Variants in RGS7 observed in about 807,000 individuals in gnomAD.
The protein encoded by RGS7 is regulator of G protein signaling 7.
Under a neutral mutation model 81.1 loss-of-function variants are expected in RGS7, and 27 were observed. The ratio of observed to expected loss-of-function variants is 0.33; its 90% CI spans 0.25 to 0.46. The LOEUF is 0.46. Among genes scored for constraint, RGS7 ranks in the 20% least tolerant of loss-of-function variants. RGS7 has a pLI of 1.00. For missense variants in RGS7, 396 were observed against 607.4 expected (o/e 0.65, Z 3.66); for synonymous variants, 208 against 207.7 (o/e 1.00, Z -0.01).
intron 2 of RGS7, among the ~76,000 whole-genome samples, chr1:241,122,669 G>GAAAAAAAAAAA (rs200013731): frequency 1.3e-5 from 1 of 79,542 alleles, no homozygotes. Flanking sequence ...ATCACAAAAA[G>GAAAAAAAAAAA]AAAAAAAAAA....
chr1:241,146,946 A>C (rs759060923), intron 2 of RGS7, among the ~76,000 whole-genome samples: 52 of 152,152 alleles, frequency 3.4e-4, no homozygotes, highest in Non-Finnish European at 5.9e-4. Context: ...CCAGCCTCCT[A>C]ATACCATCGT....
intron 4 of RGS7, among the ~76,000 whole-genome samples, chr1:240,972,722 ACC>A (rs145021465): frequency 0.42 from 58,810 of 139,380 alleles, 12,462 homozygotes; most frequent in East Asian, 0.69. Flanking sequence ...AAAAAAAAAA[ACC>A]CAAAAAGGTG....
intron 3 of RGS7, among the ~76,000 whole-genome samples, chr1:241,016,712 CAG>C (rs774290500): frequency 1.1e-4 from 17 of 152,264 alleles, no homozygotes; most frequent in Admixed American, 2.6e-4. Flanking sequence ...TAGCATTTAT[CAG>C]AGTCTAAATT....
At chr1:241,325,799 G>C (rs747928416) in intron 2 of RGS7, among the ~76,000 whole-genome samples, 43 of 152,112 alleles carry the variant, frequency 2.8e-4, no homozygotes, top group South Asian at 2.1e-4. Flanking sequence ...CACATACAGA[G>C]GGGAAGGGAG....
chr1:241,162,436 C>T (rs140852266), intron 2 of RGS7, among the ~76,000 whole-genome samples: 1,714 of 152,282 alleles, frequency 0.011, 26 homozygotes, highest in African/African-American at 0.039. Context: ...GCGGACAGCC[C>T]GCTCCGAAGG....
chr1:241,104,159 T>A (rs1404257607), intron 2 of RGS7, among the ~76,000 whole-genome samples: 1 of 152,188 alleles, frequency 6.6e-6, no homozygotes, highest in African/African-American at 2.4e-5. Context: ...AATTAAATGC[T>A]TACTATGATG....
intron 4 of RGS7, among the ~76,000 whole-genome samples, chr1:240,945,578 TATTCCTTA>T (rs1678467349): frequency 6.6e-6 from 1 of 152,248 alleles, no homozygotes; most frequent in African/African-American, 2.4e-5. Flanking sequence ...TAAAAATCAC[TATTCCTTA>T]ATATTTGAAC....
At chr1:240,935,620 T>C (rs554644417) in intron 5 of RGS7, among the ~76,000 whole-genome samples, 1 of 152,338 alleles carries the variant, frequency 6.6e-6, no homozygotes, top group African/African-American at 2.4e-5. Flanking sequence ...GACTGTTCTA[T>C]GAGGACAATA....
rs148399262 is a variant in RGS7, at chr1:241,239,652, C to T, written c.78+116047G>A. On this transcript the variant is annotated intron_variant, in intron 2 of 18. Coordinates refer to ENST00000440928, the MANE Select transcript of RGS7 (RefSeq NM_001364886.1). The stretch of plus-strand genomic sequence containing the variant: ...CCACTCCTTACCAGGGATGAACTGC[C>T]TCCCATTCTCAGTCTAGATCCGTGG... 3.2e-3 allele frequency among the ~76,000 whole-genome samples: 489 copies of T among 152,238 alleles called. 3 individuals are homozygous for T. Among genetic ancestry groups the T allele is most frequent in the Middle Eastern group, 0.014 (4 of 294 alleles).
intron 2 of RGS7, among the ~76,000 whole-genome samples, chr1:241,320,025 A>C (rs1037879914): frequency 6.6e-6 from 1 of 152,158 alleles, no homozygotes; most frequent in Non-Finnish European, 1.5e-5. Flanking sequence ...CGGGAGGCGG[A>C]GGTTGCAGTG....
chr1:241,038,162 G>A (rs967117893), intron 3 of RGS7, among the ~76,000 whole-genome samples: 1 of 152,170 alleles, frequency 6.6e-6, no homozygotes, highest in African/African-American at 2.4e-5. Flanking sequence ...GTTGGCTGCT[G>A]TTGGTATGTT....
chr1:241,288,271 A>C (rs969240063), intron 2 of RGS7, among the ~76,000 whole-genome samples: 1 of 152,190 alleles, frequency 6.6e-6, no homozygotes, highest in Non-Finnish European at 1.5e-5. Context: ...ACATGGGCTA[A>C]GTGAGGTAAA....
chr1:241,050,507 T>C (rs2061190794), intron 3 of RGS7, among the ~76,000 whole-genome samples: 1 of 152,156 alleles, frequency 6.6e-6, no homozygotes, highest in African/African-American at 2.4e-5. Flanking sequence ...AAGGTAGGCT[T>C]GTCAAAGAGG....
intron 2 of RGS7, among the ~76,000 whole-genome samples, chr1:241,196,512 C>T (rs1314677935): frequency 6.6e-6 from 1 of 151,938 alleles, no homozygotes; most frequent in Admixed American, 6.6e-5. Context: ...AGACAGTGCA[C>T]ACAAATATCC....
Position 240,939,976 on chromosome 1 carries a change from A to T in RGS7, c.227-3270T>A, listed in dbSNP as rs1156236559. Among the ~76,000 whole-genome samples, 5 of 152,148 alleles carry T rather than the reference A, an allele frequency of 3.3e-5. No homozygotes were observed. In the East Asian group the frequency reaches 7.7e-4, roughly 23 times the overall value. On this transcript the variant is annotated intron_variant, in intron 4 of 18. Transcript: ENST00000440928. Reference sequence around the variant, plus strand: ...GCATCTGTAATCCCAGCTACTTGGGAGGCTGAGGCATGAGAACCACCTGAA... The same window carrying T: ...GCATCTGTAATCCCAGCTACTTGGGTGGCTGAGGCATGAGAACCACCTGAA...
intron 3 of RGS7, among the ~76,000 whole-genome samples, chr1:241,032,069 G>A (rs2060110007): frequency 6.6e-6 from 1 of 152,228 alleles, no homozygotes; most frequent in East Asian, 1.9e-4. Context: ...ATCCAGAAGA[G>A]TTTTCCCCAG....
intron 9 of RGS7, among the ~76,000 whole-genome samples, chr1:240,849,209 T>G (rs966925365): frequency 1.3e-5 from 2 of 152,336 alleles, no homozygotes; most frequent in East Asian, 1.9e-4. Flanking sequence ...ATTACATGTT[T>G]CATTCAACAA....
At chr1:241,096,635 T>C (rs1263945386) in intron 3 of RGS7, among the ~76,000 whole-genome samples, 2 of 152,182 alleles carry the variant, frequency 1.3e-5, no homozygotes, top group Non-Finnish European at 2.9e-5. Flanking sequence ...TAATTCTCAA[T>C]CTATATGTCC....
At chr1:241,185,946 CAGAA>C (rs750014186) in intron 2 of RGS7, among the ~76,000 whole-genome samples, 4 of 151,850 alleles carry the variant, frequency 2.6e-5, no homozygotes, top group Non-Finnish European at 5.9e-5. Flanking sequence ...CCAAAACAAA[CAGAA>C]GGAAAGAAAT....
Sources: allele counts gnomAD v4.1 joint callset (sites outside exome capture counted in the v4.1 genomes callset), GRCh38; gene constraint gnomAD v4.1.1; transcripts MANE v1.5; gene names NCBI Gene and HGNC (gene_info 2026-07-23, HGNC 2026-07-21).